GGT7: variants seen among roughly 807,000 people sequenced by gnomAD.
GGT7 encodes glutathione hydrolase 7.
In GGT7, 30 loss-of-function variants were observed where a neutral mutation model predicts 69.2. That is an observed-to-expected ratio of 0.43 (90% confidence interval 0.32 to 0.59). The LOEUF is 0.59. Ranked by LOEUF, GGT7 falls within the 20% of genes least tolerant of loss-of-function variation. The probability of loss-of-function intolerance (pLI) is 0.05; values close to 1 mark genes in which losing one functional copy is unlikely to be tolerated. For missense variants in GGT7, 733 were observed against 901.1 expected, an observed-to-expected ratio of 0.81 and a Z score of 2.39; for synonymous variants, 388 against 391.8, an observed-to-expected ratio of 0.99 and a Z score of 0.12.
chr20:34,852,583 A>G (rs2079417159), intron 10 of GGT7, 45 bp from the exon 11 acceptor site: 3 of 1,524,432 alleles, frequency 2.0e-6, no homozygotes, highest in East Asian at 4.6e-5. Flanking sequence ...CAGGCTCTCA[A>G]TACACCCCAC....
chr20:34,872,725 G>A lies in GGT7; in HGVS notation c.91C>T (p.Pro31Ser), dbSNP rs2079801497. 1.3e-6 allele frequency: 2 copies of A among 1,495,294 alleles called. No individual in the cohort carries two copies. Among genetic ancestry groups the A allele is most frequent in the South Asian group, 1.3e-5 (1 of 78,274 alleles). 92.6% of individuals were successfully genotyped at this position (1,495,294 alleles called of 1,614,324 possible). The change falls in exon 1 of 15, where the codon CCC becomes TCC. Residue 31 changes from proline to serine, a missense_variant. By Grantham distance (74) the Pro-to-Ser change is moderately conservative. Coordinates refer to ENST00000336431, the MANE Select transcript of GGT7 (RefSeq NM_178026.3). Reference sequence around the variant, plus strand: ...GCCGCGGGCGCCGGCTCGTCCTCGGGCAGCCGCGGGAAGCTGGTGATGCTC... The same window carrying A: ...GCCGCGGGCGCCGGCTCGTCCTCGGACAGCCGCGGGAAGCTGGTGATGCTC... ...YMSITSFPRL[P>S]EDEPAPAAPL...
At chr20:34,857,572 C>T (rs1409068164) in intron 7 of GGT7, among the ~76,000 whole-genome samples, 1 of 151,146 alleles carries the variant, frequency 6.6e-6, no homozygotes, top group African/African-American at 2.4e-5. Flanking sequence ...CCTTATAGTA[C>T]TTGAAACCCT....
intron 14 of GGT7, among the ~76,000 whole-genome samples, chr20:34,848,960 TAGAGGA>T (rs1404605217): frequency 6.6e-6 from 1 of 152,172 alleles, no homozygotes; most frequent in Non-Finnish European, 1.5e-5. Flanking sequence ...GCCCTTTTCT[TAGAGGA>T]AAGTCCGTCT....
In GGT7 at chr20:34,863,381, C is replaced by T. The variant is rs376669586; in HGVS notation, c.337G>A (p.Ala113Thr). 6.2e-7 allele frequency: 1 copy of T among 1,614,038 alleles called. No homozygotes were observed. Among genetic ancestry groups the T allele is most frequent in the Admixed American group, 1.7e-5 (1 of 60,030 alleles). Residue 113 changes from alanine (A) to threonine (T), a missense_variant, in exon 2 of 15, where the codon GCC (alanine) becomes ACC (threonine). Physicochemically the swap from Ala to Thr is moderately conservative, Grantham distance 58. Transcript: ENST00000336431. The surrounding 1 kb of genome is among the most constrained non-coding windows in gnomAD (Gnocchi z 4.4). ...ACACCGGTAGCGAAGGTGAGACAGG[C>T]CGTGACGATGACCGTGAGCCCATCC... is the stretch of plus-strand genomic sequence containing the variant. ...RQDGLTVIVT[A>T]CLTFATGVTV...
rs772879448 is a variant in GGT7, at chr20:34,854,586, G to T, written c.1264C>A (p.Leu422Met). 6.2e-7 allele frequency: 1 copy of T among 1,613,366 alleles called. No individual in the cohort carries two copies. The change falls in exon 10 of 15, where the codon CTG (leucine) becomes ATG (methionine). Residue 422 changes from leucine to methionine, a missense_variant. Physicochemically the swap from Leu to Met is conservative, Grantham distance 15 (BLOSUM62 2). Coordinates refer to ENST00000336431, the MANE Select transcript of GGT7 (RefSeq NM_178026.3). The part of the protein sequence containing the change: ...LKIALALASR[L>M]GDPVYDSTIT... ...GTAGAATCATAGACGGGATCTCCCA[G>T]TCTGCTGGCCAGGGCTAATGCAATC...
At chr20:34,853,341 GT>G (rs1197177971) in intron 10 of GGT7, among the ~76,000 whole-genome samples, 10 of 9,594 alleles carry the variant, frequency 1.0e-3, no homozygotes, top group African/African-American at 5.3e-3. Flanking sequence ...TTTCATATAG[GT>G]GTGTGTGTGT....
At chr20:34,869,292 C>T (rs2079742755) in intron 1 of GGT7, among the ~76,000 whole-genome samples, 1 of 152,062 alleles carries the variant, frequency 6.6e-6, no homozygotes, top group African/African-American at 2.4e-5. Flanking sequence ...CTCAGCCTCC[C>T]GAGTAGCTGG....
intron 7 of GGT7, among the ~76,000 whole-genome samples, chr20:34,858,469 A>G (rs73268638): frequency 0.014 from 2,125 of 152,332 alleles, 62 homozygotes; most frequent in African/African-American, 0.048. Context: ...TGTTGAATGA[A>G]TAACAGACCT....
At chr20:34,859,381 C>A in intron 7 of GGT7, 62 bp downstream of exon 7, 2 of 1,306,780 alleles carry the variant, frequency 1.5e-6, no homozygotes, top group Non-Finnish European at 2.1e-6. Context: ...AAAATGCGGA[C>A]GCGGATGTCC....
chr20:34,855,777 C>G (rs2079479889), intron 8 of GGT7, among the ~76,000 whole-genome samples: 1 of 85,778 alleles, frequency 1.2e-5, no homozygotes, highest in Non-Finnish European at 2.4e-5. Flanking sequence ...TACGCTTGTT[C>G]TTTTTTCTTT....
Position 34,860,290 on chromosome 20 carries a change from A to G in GGT7, c.707T>C (p.Val236Ala), listed in dbSNP as rs1227499839. The G allele has an allele frequency of 6.8e-6, 11 of 1,613,736 alleles. No homozygotes were observed. Among genetic ancestry groups the G allele is most frequent in the Non-Finnish European group, 9.3e-6 (11 of 1,179,918 alleles). The change falls in exon 5 of 15, where the codon GTG becomes GCG. Residue 236 changes from valine to alanine, a missense_variant. Val to Ala is a moderately conservative substitution (Grantham distance 64). Coordinates refer to ENST00000336431, the MANE Select transcript of GGT7 (RefSeq NM_178026.3). ...PGLLVGVPGMVKGLHEAHQLY... is the reference protein window; with the variant it reads ...PGLLVGVPGMAKGLHEAHQLY... ...CTGGTGAGCTTCATGTAGCCCCTTC[A>G]CCATTCCGGGAACCCCCACCAAGAG...
At chr20:34,857,615 A>ATTT (rs5841184) in intron 7 of GGT7, among the ~76,000 whole-genome samples, 46 of 118,010 alleles carry the variant, frequency 3.9e-4, no homozygotes, top group Non-Finnish European at 6.2e-4. Context: ...TTACACATTG[A>ATTT]TTTTTTTTTT....
intron 7 of GGT7, among the ~76,000 whole-genome samples, chr20:34,857,615 ATTTTTT>A (rs5841184): frequency 2.5e-5 from 3 of 118,006 alleles, no homozygotes. Context: ...TTACACATTG[ATTTTTT>A]TTTTTTTTTT....
rs2079641124 is a variant in GGT7 at position 34,863,696 on chromosome 20, G to T, written c.170-148C>A. The T allele has an allele frequency of 1.4e-6, 1 of 730,902 alleles. No individual in the cohort carries two copies. Among genetic ancestry groups the T allele is most frequent in the Non-Finnish European group, 2.5e-6 (1 of 398,264 alleles). The allele number at this position is 730,902 out of a possible 1,614,324, so 45.3% of individuals were successfully genotyped here. On this transcript the variant is annotated intron_variant, in intron 1 of 14. Transcript: ENST00000336431. The surrounding 1 kb of genome is among the most constrained non-coding windows in gnomAD (Gnocchi z 4.4). The stretch of plus-strand genomic sequence containing the variant: ...ACTACTCACCTTTCCTCATTTTCGC[G>T]TGCACCCCAGGACAGGCGGGGCAAC...
chr20:34,855,175 A>G (rs2079470269), intron 8 of GGT7, among the ~76,000 whole-genome samples: 1 of 152,216 alleles, frequency 6.6e-6, no homozygotes. Context: ...CTAAGGCTCA[A>G]GAGGGCTGTG....
chr20:34,857,399 C>T (rs1419871250), intron 7 of GGT7, among the ~76,000 whole-genome samples: 2 of 152,178 alleles, frequency 1.3e-5, no homozygotes, highest in Non-Finnish European at 1.5e-5. Flanking sequence ...AAAACCATGA[C>T]TTTGAGTGAT....
At chr20:34,850,867 G>A (rs764780001) in intron 13 of GGT7, 2 of 571,776 alleles carry the variant, frequency 3.5e-6, no homozygotes, top group Admixed American at 1.9e-5. Context: ...AGAAAAGCAG[G>A]CCCTTCCTTT....
intron 1 of GGT7, among the ~76,000 whole-genome samples, chr20:34,867,478 C>T (rs979193563): frequency 6.6e-6 from 1 of 151,994 alleles, no homozygotes; most frequent in Non-Finnish European, 1.5e-5. Context: ...TTTGGGAGGC[C>T]GAGGTGGGAG....
intron 12 of GGT7, 117 bp from the exon 13 acceptor site, chr20:34,851,485 T>G: frequency 1.9e-6 from 2 of 1,051,746 alleles, no homozygotes; most frequent in Non-Finnish European, 2.8e-6. Context: ...CAGGCCCAGT[T>G]TTCCTGGGAG....
Sources: allele counts gnomAD v4.1 joint callset (sites outside exome capture counted in the v4.1 genomes callset), GRCh38; gene constraint gnomAD v4.1.1; non-coding constraint Gnocchi (gnomAD v3.1); transcripts MANE v1.5; gene names NCBI Gene and HGNC (gene_info 2026-07-23, HGNC 2026-07-21).